Variants in NAALADL2 observed in about 807,000 individuals in gnomAD.
NAALADL2 encodes the protein N-acetylated alpha-linked acidic dipeptidase like 2.
In NAALADL2, 76 loss-of-function variants were observed where a neutral mutation model predicts 87.2. The observed-to-expected ratio is 0.87, with a 90% confidence interval of 0.72 to 1.05. The LOEUF is 1.05. NAALADL2 is among the 50% of genes least tolerant of loss of function. NAALADL2 has a pLI of 0.00. For missense variants in NAALADL2, 1,089 were observed against 945.8 expected, an observed-to-expected ratio of 1.15 and a Z score of -1.99; for synonymous variants, 354 against 331.0, an observed-to-expected ratio of 1.07 and a Z score of -0.75.
intron 1 of NAALADL2, among the ~76,000 whole-genome samples, chr3:174,549,871 T>C (rs1038702490): frequency 1.3e-5 from 2 of 152,052 alleles, no homozygotes; most frequent in Non-Finnish European, 2.9e-5. Flanking sequence ...TGGGGAGCAT[T>C]TATTCCATAA....
At chr3:175,727,163 C>T (rs575068825) in intron 11 of NAALADL2, among the ~76,000 whole-genome samples, 13 of 152,070 alleles carry the variant, frequency 8.5e-5, no homozygotes, top group African/African-American at 2.7e-4. Context: ...TTCTGCAACT[C>T]GGTGCAGGGA....
In NAALADL2 at chr3:175,667,743, GTTTTTTTT is replaced by G. The variant is rs58514374; in HGVS notation, c.1896+40368_1896+40375del. On this transcript the variant is annotated intron_variant, in intron 11 of 13. Coordinates refer to ENST00000454872, the MANE Select transcript of NAALADL2 (RefSeq NM_207015.3). Reference sequence around the variant, plus strand: ...CTCAGATATCTGTGTGTTTTTTGCTGTTTTTTTTTTTTTTTTTTCTGTAACAGGAAGAT... The same window carrying G: ...CTCAGATATCTGTGTGTTTTTTGCTGTTTTTTTTTTCTGTAACAGGAAGAT... 2.5e-5 allele frequency among the ~76,000 whole-genome samples: 3 copies of G among 120,040 alleles called. No homozygotes were observed. The South Asian group carries it at 7.9e-4, about 31-fold the overall frequency. 78.8% of individuals were successfully genotyped at this position (120,040 alleles called of 152,430 possible). A position where few individuals can be genotyped will look rare whatever the true frequency, so the allele number is the denominator to read the frequency against.
intron 2 of NAALADL2, among the ~76,000 whole-genome samples, chr3:174,627,279 A>G (rs184083599): frequency 7.9e-4 from 120 of 152,306 alleles, no homozygotes; most frequent in Non-Finnish European, 1.4e-3. Context: ...GATACACGTC[A>G]TAGAGTTGAA....
chr3:174,987,046 T>C (rs1311617488), intron 1 of NAALADL2, among the ~76,000 whole-genome samples: 1 of 152,200 alleles, frequency 6.6e-6, no homozygotes, highest in African/African-American at 2.4e-5. Flanking sequence ...CCACTTCCCA[T>C]TGACCATTTG....
intron 2 of NAALADL2, among the ~76,000 whole-genome samples, chr3:175,230,616 G>A (rs545463522): frequency 6.6e-6 from 1 of 152,024 alleles, no homozygotes; most frequent in Admixed American, 6.6e-5. Flanking sequence ...AGCAGAGGGT[G>A]GTAAAGGAAG....
At chr3:175,470,821 G>C (rs1017530618) in intron 8 of NAALADL2, among the ~76,000 whole-genome samples, 4 of 152,126 alleles carry the variant, frequency 2.6e-5, no homozygotes, top group Non-Finnish European at 4.4e-5. Context: ...TGCATGAAAT[G>C]CATCAGGTTT....
rs576830802 is a variant in NAALADL2 at position 175,684,767 on chromosome 3, C to T, written c.1897-52539C>T. Among the ~76,000 whole-genome samples the T allele has an allele frequency of 3.3e-5, 5 of 152,240 alleles. No individual in the cohort carries two copies. In the East Asian group the frequency reaches 7.7e-4, roughly 24 times the overall value. ...GCAGTGAGCTATGACCGCACCACTG[C>T]ACTCCAGCCTGGGTGGCAGACATAG... On this transcript the variant is annotated intron_variant, in intron 11 of 13. Coordinates refer to ENST00000454872, the MANE Select transcript of NAALADL2 (RefSeq NM_207015.3).
intron 1 of NAALADL2, among the ~76,000 whole-genome samples, chr3:174,549,979 A>C (rs1578145522): frequency 6.6e-6 from 1 of 152,176 alleles, no homozygotes; most frequent in East Asian, 1.9e-4. Context: ...TTTGATAGAA[A>C]TTGAACTCTG....
chr3:175,154,553 GGA>G (rs1732020317), intron 2 of NAALADL2, among the ~76,000 whole-genome samples: 8 of 151,406 alleles, frequency 5.3e-5, no homozygotes, highest in Admixed American at 2.0e-4. Context: ...AAAACATTTA[GGA>G]CATCCTAGTA....
chr3:175,763,349 A>T lies in NAALADL2; in HGVS notation c.2189+7931A>T, dbSNP rs889145442. ...TTGTGGTTGAAATTTAATATCTTTT[A>T]AAAAAATGCTTCTTCCTAGATTCTT... On this transcript the variant is annotated intron_variant, in intron 13 of 13. Transcript: ENST00000454872. Among the ~76,000 whole-genome samples, 8 of 152,138 alleles carry T rather than the reference A, an allele frequency of 5.3e-5. No individual in the cohort carries two copies. The South Asian group carries it at 1.0e-3, about 20-fold the overall frequency.
intron 2 of NAALADL2, among the ~76,000 whole-genome samples, chr3:175,190,963 CAG>C (rs947945706): frequency 2.9e-4 from 35 of 121,596 alleles, no homozygotes; most frequent in African/African-American, 1.1e-3. Context: ...GGGCAACAGA[CAG>C]AGGGAGACTC....
At chr3:175,742,517 C>T (rs1219924813) in intron 12 of NAALADL2, among the ~76,000 whole-genome samples, 1 of 152,218 alleles carries the variant, frequency 6.6e-6, no homozygotes. Context: ...CCTGCCTCAG[C>T]CTCCCGAGTA....
chr3:174,516,989 T>A (rs1234732015), intron 1 of NAALADL2, among the ~76,000 whole-genome samples: 21 of 152,004 alleles, frequency 1.4e-4, no homozygotes, highest in Non-Finnish European at 1.5e-5. Context: ...TAAAAACATA[T>A]TTTAAAATGT....
intron 5 of NAALADL2, among the ~76,000 whole-genome samples, chr3:175,390,439 C>A (rs999941324): frequency 1.3e-5 from 2 of 152,284 alleles, no homozygotes; most frequent in Admixed American, 1.3e-4. Context: ...GGAAACTATT[C>A]TGGTGAAACT....
At chr3:175,646,855 A>C (rs1730078774) in intron 11 of NAALADL2, among the ~76,000 whole-genome samples, 1 of 152,100 alleles carries the variant, frequency 6.6e-6, no homozygotes, top group Non-Finnish European at 1.5e-5. Flanking sequence ...ATCTTTATCC[A>C]GCCGAGTGTT....
At chr3:175,296,871 C>A (rs1181812156) in intron 4 of NAALADL2, among the ~76,000 whole-genome samples, 1 of 152,074 alleles carries the variant, frequency 6.6e-6, no homozygotes, top group Non-Finnish European at 1.5e-5. Context: ...TGAACTGCTT[C>A]ATTTTCTGAC....
At chr3:175,457,063 G>C (rs1317674912) in intron 6 of NAALADL2, among the ~76,000 whole-genome samples, 1 of 151,940 alleles carries the variant, frequency 6.6e-6, no homozygotes, top group Admixed American at 6.6e-5. Context: ...TTATGAGCTG[G>C]TGCATGATAT....
chr3:175,116,867 C>G (rs1023615583), intron 2 of NAALADL2, among the ~76,000 whole-genome samples: 2 of 152,132 alleles, frequency 1.3e-5, no homozygotes, highest in African/African-American at 4.8e-5. Context: ...AACTATACTA[C>G]AAGGCCACAA....
chr3:174,585,073 C>A (rs1716556129), intron 2 of NAALADL2, among the ~76,000 whole-genome samples: 2 of 152,008 alleles, frequency 1.3e-5, no homozygotes, highest in Admixed American at 1.3e-4. Context: ...AAGAATAACA[C>A]ATATTCTGAA....
Sources: allele counts gnomAD v4.1 joint callset (sites outside exome capture counted in the v4.1 genomes callset), GRCh38; gene constraint gnomAD v4.1.1; transcripts MANE v1.5; gene names NCBI Gene and HGNC (gene_info 2026-07-23, HGNC 2026-07-21).